Variants in BCAS3 observed in about 807,000 individuals in gnomAD.
BCAS3 encodes BCAS4/BCAS3 fusion.
A neutral mutation model predicts 116.1 loss-of-function variants in BCAS3; 53 were observed. The observed-to-expected ratio is 0.46, with a 90% CI of 0.37 to 0.57. The LOEUF is 0.57. Among genes scored for constraint, BCAS3 ranks in the 20% least tolerant of loss-of-function variants. BCAS3 has a pLI of 0.00. For synonymous variants in BCAS3, 391 were observed against 408.2 expected (o/e 0.96, Z 0.51); for missense variants, 917 against 1,165.4 (o/e 0.79, Z 3.10).
rs533880828 is a variant in BCAS3 at position 61,088,506 on chromosome 17, T to C, written c.2425+3942T>C. On this transcript the variant is annotated intron_variant, in intron 22 of 23. Transcript: ENST00000407086. This position sits in a 1 kb window ranked among gnomAD's most constrained non-coding sequence, Gnocchi z 4.2. The stretch of plus-strand genomic sequence containing the variant: ...GAATTTCTTTCTATTCTTTGTACCT[T>C]ATAACCTGTGCCCTTCTTTTGATAA... Among the ~76,000 whole-genome samples the C allele has an allele frequency of 8.4e-4, 128 of 152,360 alleles. No individual in the cohort carries two copies. The highest frequency in any genetic ancestry group is 2.6e-3 in the African/African-American group (107 of 41,590).
At chr17:60,788,047 G>A (rs2046432158) in intron 6 of BCAS3, among the ~76,000 whole-genome samples, 2 of 151,948 alleles carry the variant, frequency 1.3e-5, no homozygotes, top group African/African-American at 4.8e-5. Context: ...TCAGTGCTTT[G>A]CGTATATTAT....
intron 22 of BCAS3, among the ~76,000 whole-genome samples, chr17:61,184,079 C>A (rs1322341593): frequency 6.6e-6 from 1 of 152,056 alleles, no homozygotes; most frequent in African/African-American, 2.4e-5. Context: ...GGCAAATGAA[C>A]CAATGTTACA....
intron 6 of BCAS3, among the ~76,000 whole-genome samples, chr17:60,787,430 A>G (rs867403134): frequency 3.7e-4 from 56 of 152,320 alleles, no homozygotes; most frequent in Middle Eastern, 6.8e-3. Flanking sequence ...TTATATGAAT[A>G]TAACAAGTTA....
intron 22 of BCAS3, among the ~76,000 whole-genome samples, chr17:61,268,731 T>G (rs1370256757): frequency 1.3e-5 from 2 of 151,992 alleles, no homozygotes; most frequent in African/African-American, 4.8e-5. Context: ...CTAATTTTTG[T>G]ATTTTGAGTA....
Position 61,083,413 on chromosome 17 carries a change from A to C in BCAS3, c.2328-1054A>C, listed in dbSNP as rs2072806313. Among the ~76,000 whole-genome samples the C allele has an allele frequency of 6.6e-6, 1 of 152,118 alleles. No individual in the cohort carries two copies. Among genetic ancestry groups the C allele is most frequent in the African/African-American group, 2.4e-5 (1 of 41,414 alleles). On this transcript the variant is annotated intron_variant, in intron 21 of 23. Coordinates refer to ENST00000407086, the MANE Select transcript of BCAS3 (RefSeq NM_017679.5). This position sits in a 1 kb window ranked among gnomAD's most constrained non-coding sequence, Gnocchi z 4.9. Reference sequence around the variant, plus strand: ...CCTACAAGCAATTAATATTCAGTAAATACTTACTGTATGAATGAATTACCA... The same window carrying C: ...CCTACAAGCAATTAATATTCAGTAACTACTTACTGTATGAATGAATTACCA...
At chr17:60,874,789 A>G in intron 9 of BCAS3, 51 bp downstream of exon 9, 1 of 1,133,996 alleles carries the variant, frequency 8.8e-7, no homozygotes, top group South Asian at 1.4e-5. Context: ...TATACTACTT[A>G]CTTGACACAA....
chr17:60,975,403 T>G (rs1274883460), intron 14 of BCAS3, among the ~76,000 whole-genome samples: 1 of 152,200 alleles, frequency 6.6e-6, no homozygotes, highest in Non-Finnish European at 1.5e-5. Context: ...TCTTCCTTTG[T>G]GCATAGGACA....
At chr17:60,901,516 C>T (rs1197712063) in intron 10 of BCAS3, among the ~76,000 whole-genome samples, 6 of 152,134 alleles carry the variant, frequency 3.9e-5, no homozygotes, top group Non-Finnish European at 8.8e-5. Flanking sequence ...TTCCTCACTT[C>T]TCTCTTTCAA....
At chr17:60,914,379 A>G (rs1006569114) in intron 12 of BCAS3, among the ~76,000 whole-genome samples, 1 of 152,206 alleles carries the variant, frequency 6.6e-6, no homozygotes, top group African/African-American at 2.4e-5. Flanking sequence ...GGTAAGATTA[A>G]TGTGCCTTTT....
intron 4 of BCAS3, among the ~76,000 whole-genome samples, chr17:60,700,914 G>A (rs926095309): frequency 1.3e-5 from 2 of 152,144 alleles, no homozygotes; most frequent in Non-Finnish European, 2.9e-5. Flanking sequence ...AATAATGACA[G>A]TTGTGAATAA....
intron 22 of BCAS3, among the ~76,000 whole-genome samples, chr17:61,329,051 C>A (rs1310909922): frequency 6.6e-6 from 1 of 151,882 alleles, no homozygotes; most frequent in Non-Finnish European, 1.5e-5. Flanking sequence ...CCCACCACCA[C>A]GCCCGGCTAG....
Position 61,186,479 on chromosome 17 carries a change from A to G in BCAS3, c.2425+101915A>G, listed in dbSNP as rs74876096. 7.4e-3 allele frequency among the ~76,000 whole-genome samples: 1,132 copies of G among 152,316 alleles called. 8 individuals carry two copies. Among genetic ancestry groups the G allele is most frequent in the African/African-American group, 0.026 (1,067 of 41,570 alleles). ...TGTCAATTTATGCTGCGTAACTCAG[A>G]GCCTGCTTCCACTTTTTCATACTTG... On this transcript the variant is annotated intron_variant, in intron 22 of 23. Coordinates refer to ENST00000407086, the MANE Select transcript of BCAS3 (RefSeq NM_017679.5). The surrounding 1 kb of genome is among the most constrained non-coding windows in gnomAD (Gnocchi z 4.9).
chr17:61,309,410 G>A lies in BCAS3; in HGVS notation c.2426-58917G>A, dbSNP rs765318940. On this transcript the variant is annotated intron_variant, in intron 22 of 23. Coordinates refer to ENST00000407086, the MANE Select transcript of BCAS3 (RefSeq NM_017679.5). The surrounding 1 kb of genome is among the most constrained non-coding windows in gnomAD (Gnocchi z 4.6). Reference sequence around the variant, plus strand: ...TGAACACTACCGTGTCACTCCCCATGTTGCCATTCTGTAGAAGAGGAAGCA... The same window carrying A: ...TGAACACTACCGTGTCACTCCCCATATTGCCATTCTGTAGAAGAGGAAGCA... Among the ~76,000 whole-genome samples, 245 of 152,142 alleles carry A rather than the reference G, an allele frequency of 1.6e-3. No homozygotes were observed. The highest frequency in any genetic ancestry group is 2.9e-3 in the Non-Finnish European group (195 of 68,002).
At chr17:61,089,180 A>G (rs1319482489) in intron 22 of BCAS3, among the ~76,000 whole-genome samples, 1 of 152,180 alleles carries the variant, frequency 6.6e-6, no homozygotes, top group Non-Finnish European at 1.5e-5. Context: ...AATTTTCTCC[A>G]CTATCAAATA....
chr17:61,347,829 G>A lies in BCAS3; in HGVS notation c.2426-20498G>A, dbSNP rs1289881603. Among the ~76,000 whole-genome samples the A allele has an allele frequency of 6.6e-6, 1 of 152,168 alleles. No individual in the cohort carries two copies. The highest frequency in any genetic ancestry group is 1.5e-5 in the Non-Finnish European group (1 of 68,034). On this transcript the variant is annotated intron_variant, in intron 22 of 23. Coordinates refer to ENST00000407086, the MANE Select transcript of BCAS3 (RefSeq NM_017679.5). The surrounding 1 kb of genome is among the most constrained non-coding windows in gnomAD (Gnocchi z 4.3). ...CTCAAAGATGAATAGGACTTCACCA[G>A]GGAAGGCATTCCAGGCAGAGGGAGC...
chr17:61,299,768 C>T (rs191777570), intron 22 of BCAS3, among the ~76,000 whole-genome samples: 1 of 152,306 alleles, frequency 6.6e-6, no homozygotes, highest in Non-Finnish European at 1.5e-5. Flanking sequence ...GCTCTGACAG[C>T]ATAGTTCAGC....
chr17:61,154,863 A>G (rs1422797331), intron 22 of BCAS3, among the ~76,000 whole-genome samples: 3 of 151,324 alleles, frequency 2.0e-5, no homozygotes, highest in Non-Finnish European at 4.4e-5. Flanking sequence ...CACTAAATAT[A>G]TTTTTACTCT....
rs943595266 is a variant in BCAS3, at chr17:61,106,461, G to A, written c.2425+21897G>A. On this transcript the variant is annotated intron_variant, in intron 22 of 23. Coordinates refer to ENST00000407086, the MANE Select transcript of BCAS3 (RefSeq NM_017679.5). The surrounding 1 kb of genome is among the most constrained non-coding windows in gnomAD (Gnocchi z 4.2). ...AAAAGAGGTTATAGCATATAGCTTA[G>A]GTGTGTTGTAGGCTATTCTATCTAG... is the stretch of plus-strand genomic sequence containing the variant. Among the ~76,000 whole-genome samples the A allele has an allele frequency of 2.6e-5, 4 of 152,128 alleles. No homozygotes were observed. The highest frequency in any genetic ancestry group is 9.7e-5 in the African/African-American group (4 of 41,426).
intron 12 of BCAS3, among the ~76,000 whole-genome samples, chr17:60,911,642 C>T (rs1410549377): frequency 6.6e-6 from 1 of 152,038 alleles, no homozygotes; most frequent in African/African-American, 2.4e-5. Flanking sequence ...GCCGTGTTGG[C>T]CTGGCTGGTC....
Sources: allele counts gnomAD v4.1 joint callset (sites outside exome capture counted in the v4.1 genomes callset), GRCh38; gene constraint gnomAD v4.1.1; non-coding constraint Gnocchi (gnomAD v3.1); transcripts MANE v1.5; gene names NCBI Gene and HGNC (gene_info 2026-07-23, HGNC 2026-07-21).